EDEM3: variants seen among roughly 807,000 people sequenced by gnomAD.
The protein encoded by EDEM3 is ER degradation-enhancing alpha-mannosidase-like protein 3.
In EDEM3, 60 loss-of-function variants were observed where a neutral mutation model predicts 110.2. The ratio of observed to expected loss-of-function variants is 0.54; its 90% CI spans 0.44 to 0.67. The LOEUF is 0.67. Among genes scored for constraint, EDEM3 ranks in the 30% least tolerant of loss-of-function variants. EDEM3 has a pLI of 0.00. For missense variants in EDEM3, 996 were observed against 1,121.0 expected, an observed-to-expected ratio of 0.89 and a Z score of 1.59; for synonymous variants, 352 against 382.9, an observed-to-expected ratio of 0.92 and a Z score of 0.94.
chr1:184,719,664 T>A, intron 9 of EDEM3, 96 bp from the exon 10 acceptor site: 1 of 1,217,386 alleles, frequency 8.2e-7, no homozygotes, highest in Non-Finnish European at 1.1e-6. Context: ...TAAACTAGAA[T>A]TTATATATAA....
At chr1:184,713,877 T>C (rs1179457025) in intron 13 of EDEM3, among the ~76,000 whole-genome samples, 3 of 152,244 alleles carry the variant, frequency 2.0e-5, no homozygotes, top group Non-Finnish European at 4.4e-5. Context: ...ATGTCAATTA[T>C]TTAGCATAGC....
Position 184,719,504 on chromosome 1 carries a change from T to C in EDEM3, c.1016A>G (p.Lys339Arg), listed in dbSNP as rs528434285. Residue 339 changes from lysine (K) to arginine (R), a missense_variant, in exon 10 of 20, where the codon AAA (lysine) becomes AGA (arginine). Physicochemically the swap from Lys to Arg is conservative, Grantham distance 26. Around this residue, in one of 5 missense-constraint regions of EDEM3, gnomAD observed 310 missense variants for 394.6 expected, o/e 0.79. Transcript: ENST00000318130. ...CCAAGTCCGAGCATTCAGCATTGGT[T>C]TGTGGATATGCACATCAAGTAGAAG... is the stretch of plus-strand genomic sequence containing the variant. ...PPLLLDVHIH[K>R]PMLNARTWMD... 3.7e-6 allele frequency: 6 copies of C among 1,614,078 alleles called. No homozygotes were observed. The African/African-American group carries it at 6.7e-5, about 18-fold the overall frequency.
At chr1:184,694,500 C>G in intron 19 of EDEM3, 28 bp from the exon 20 acceptor site, 1 of 1,517,620 alleles carries the variant, frequency 6.6e-7, no homozygotes, top group Non-Finnish European at 8.8e-7. Context: ...AAACCTCATG[C>G]TACTTCTCTA....
chr1:184,720,356 T>C (rs1469739369), intron 9 of EDEM3, among the ~76,000 whole-genome samples: 6 of 152,114 alleles, frequency 3.9e-5, no homozygotes, highest in Non-Finnish European at 8.8e-5. Context: ...TCACTTTGAA[T>C]GCATAAACTC....
chr1:184,750,904 C>T (rs1652726029), intron 1 of EDEM3, among the ~76,000 whole-genome samples: 2 of 152,002 alleles, frequency 1.3e-5, no homozygotes, highest in Admixed American at 6.6e-5. Flanking sequence ...TTATTTGCCT[C>T]CTGTTATACT....
At chr1:184,697,587 G>T (rs1027077484) in intron 19 of EDEM3, among the ~76,000 whole-genome samples, 1 of 151,834 alleles carries the variant, frequency 6.6e-6, no homozygotes, top group Non-Finnish European at 1.5e-5. Context: ...AGCAAAGATG[G>T]TAGTTTAACT....
chr1:184,720,051 T>A (rs1337227295), intron 9 of EDEM3, among the ~76,000 whole-genome samples: 1 of 152,254 alleles, frequency 6.6e-6, no homozygotes, highest in African/African-American at 2.4e-5. Flanking sequence ...TGGTTTGCTA[T>A]CTCAGCTTAT....
At position 184,717,029 on chromosome 1, in the gene EDEM3, T is replaced by A. The variant is rs781509693; in HGVS notation, c.1246-17A>T. 1 of 1,575,474 alleles carries A rather than the reference T, an allele frequency of 6.3e-7. No individual in the cohort carries two copies. Among genetic ancestry groups the A allele is most frequent in the Non-Finnish European group, 8.7e-7 (1 of 1,147,522 alleles). ...TCCTGTAGCCTATTAAAAAGGAGAATATATGTATAATATATATAGCTTATA... is the reference window on the plus strand; with the variant it reads ...TCCTGTAGCCTATTAAAAAGGAGAAAATATGTATAATATATATAGCTTATA... On this transcript the variant is annotated splice_polypyrimidine_tract_variant and intron_variant, in intron 12 of 19. Coordinates refer to ENST00000318130, the MANE Select transcript of EDEM3 (RefSeq NM_025191.4).
Position 184,708,542 on chromosome 1 carries a change from G to A in EDEM3, c.1846-198C>T, listed in dbSNP as rs930248409. Among the ~76,000 whole-genome samples the A allele has an allele frequency of 3.9e-5, 6 of 152,068 alleles. No homozygotes were observed. In the East Asian group the frequency reaches 9.6e-4, roughly 24 times the overall value. On this transcript the variant is annotated intron_variant, in intron 16 of 19. Transcript: ENST00000318130. ...TAGTATTTCTGAAAATAACTTATCC[G>A]TATTTTTTATCAATGTCACTTTCGC...
chr1:184,734,304 A>G (rs1446860522), intron 5 of EDEM3, among the ~76,000 whole-genome samples: 2 of 152,104 alleles, frequency 1.3e-5, no homozygotes, highest in Non-Finnish European at 2.9e-5. Context: ...CCCCGTCTCT[A>G]TTAAAAATAC....
intron 2 of EDEM3, among the ~76,000 whole-genome samples, chr1:184,746,445 ATAG>A (rs1012317501): frequency 6.6e-6 from 1 of 152,216 alleles, no homozygotes; most frequent in Non-Finnish European, 1.5e-5. Flanking sequence ...AATAATAATG[ATAG>A]TAGTAGTCGT....
At position 184,732,180 on chromosome 1, in the gene EDEM3, CA is replaced by C. The variant is rs201048275; in HGVS notation, c.612+656del. 4.6e-3 allele frequency among the ~76,000 whole-genome samples: 689 copies of C among 150,704 alleles called. 6 individuals carry two copies. Among genetic ancestry groups the C allele is most frequent in the East Asian group, 0.036 (184 of 5,104 alleles). ...GACAGTGGGAGACTCCATTCCCCCC[CA>C]CCAAAAAAAAGAAATAAGCCAGGCA... On this transcript the variant is annotated intron_variant, in intron 6 of 19. Coordinates refer to ENST00000318130, the MANE Select transcript of EDEM3 (RefSeq NM_025191.4).
At chr1:184,749,319 A>T (rs1291534326) in intron 2 of EDEM3, among the ~76,000 whole-genome samples, 1 of 152,164 alleles carries the variant, frequency 6.6e-6, no homozygotes, top group Non-Finnish European at 1.5e-5. Context: ...GCACCCAAGG[A>T]AGCTGTTTAA....
chr1:184,725,473 C>A (rs896699943), intron 7 of EDEM3, among the ~76,000 whole-genome samples: 6 of 151,808 alleles, frequency 4.0e-5, no homozygotes, highest in African/African-American at 1.5e-4. Context: ...GATTAACCAA[C>A]CAAACATGAT....
intron 16 of EDEM3, among the ~76,000 whole-genome samples, chr1:184,708,573 T>A (rs1011047087): frequency 6.6e-6 from 1 of 152,230 alleles, no homozygotes; most frequent in Admixed American, 6.5e-5. Flanking sequence ...TTCGCTATTC[T>A]ATAAACCACT....
At chr1:184,751,271 C>CAT (rs1186173663) in intron 1 of EDEM3, among the ~76,000 whole-genome samples, 2 of 151,680 alleles carry the variant, frequency 1.3e-5, no homozygotes, top group African/African-American at 2.4e-5. Context: ...TTCAGGAACT[C>CAT]ATATCAATGA....
At position 184,754,733 on chromosome 1, in the gene EDEM3, G is replaced by A. The variant is rs1653004384; in HGVS notation, c.-87C>T. ...GCTGGTGGCCAGGGGGCTGCTAGCC[G>A]TGCCGAGACGGGGCGGGATGCGGAG... On this transcript the variant is annotated 5_prime_UTR_variant, in exon 1 of 20. The change creates a new upstream start codon in the 5' untranslated region. Coordinates refer to ENST00000318130, the MANE Select transcript of EDEM3 (RefSeq NM_025191.4). 2.8e-6 allele frequency: 4 copies of A among 1,422,042 alleles called. No homozygotes were observed. Among genetic ancestry groups the A allele is most frequent in the African/African-American group, 1.5e-5 (1 of 66,318 alleles). The allele number at this position is 1,422,042 out of a possible 1,614,324, so 88.1% of individuals were successfully genotyped here.
intron 4 of EDEM3, among the ~76,000 whole-genome samples, chr1:184,736,802 C>T (rs1471569585): frequency 6.6e-6 from 1 of 152,172 alleles, no homozygotes; most frequent in Non-Finnish European, 1.5e-5. Context: ...GGTGCCATTA[C>T]ATAAGCTGAC....
At chr1:184,746,220 G>A (rs1193513932) in intron 2 of EDEM3, among the ~76,000 whole-genome samples, 1 of 152,192 alleles carries the variant, frequency 6.6e-6, no homozygotes, top group Non-Finnish European at 1.5e-5. Context: ...CAGAGTTGTA[G>A]TAATCTACCT....
Sources: allele counts gnomAD v4.1 joint callset (sites outside exome capture counted in the v4.1 genomes callset), GRCh38; gene constraint gnomAD v4.1.1; regional missense constraint gnomAD v4.1.1; transcripts MANE v1.5; gene names NCBI Gene and HGNC (gene_info 2026-07-23, HGNC 2026-07-21).